Variants in IGSF5 observed in about 807,000 individuals in gnomAD.
IGSF5 encodes the protein immunoglobulin superfamily 5 like.
IGSF5 carries 41 observed loss-of-function variants against 39.4 expected under a neutral mutation model. That is an observed-to-expected ratio of 1.04 (90% CI 0.81 to 1.35). The LOEUF is 1.35. Ranked by LOEUF, IGSF5 falls within the 40% of genes most tolerant of loss-of-function variation. The pLI is 0.00. For synonymous variants in IGSF5, 183 were observed against 175.3 expected (o/e 1.04, Z -0.34); for missense variants, 487 against 494.6 (o/e 0.98, Z 0.15).
At chr21:39,729,270 C>T in the IGSF5 span, 15 of 152,288 alleles carry the variant, frequency 9.8e-5, no homozygotes, top group African/African-American at 2.6e-4. Context: ...GTGAGAAAAG[C>T]GAAAGAGAAG....
In IGSF5 at chr21:39,801,470, G is replaced by T. The variant is rs913988578; in HGVS notation, c.*113G>T. On this transcript the variant is annotated 3_prime_UTR_variant, in exon 9 of 9. Coordinates refer to ENST00000380588, the MANE Select transcript of IGSF5 (RefSeq NM_001080444.2). ...TGCAGCTTTGCCAACATTACCTGAA[G>T]AGGAGATGTCGGAGTCATCAGAACT... 2.8e-6 allele frequency: 2 copies of T among 724,728 alleles called. No homozygotes were observed. The highest frequency in any genetic ancestry group is 3.5e-5 in the African/African-American group (2 of 57,316). 44.9% of individuals were successfully genotyped at this position (724,728 alleles called of 1,614,324 possible).
intron 7 of IGSF5, among the ~76,000 whole-genome samples, chr21:39,792,375 G>A (rs886856410): frequency 2.0e-5 from 3 of 152,104 alleles, no homozygotes; most frequent in Non-Finnish European, 2.9e-5. Context: ...ACTGGGGCCT[G>A]CCATAGGGTG....
chr21:39,793,600 G>T lies in IGSF5; in HGVS notation c.1115G>T (p.Gly372Val). 6.2e-7 allele frequency: 1 copy of T among 1,613,774 alleles called. No individual in the cohort carries two copies. Among genetic ancestry groups the T allele is most frequent in the Non-Finnish European group, 8.5e-7 (1 of 1,179,774 alleles). The change falls in exon 8 of 9, where the codon GGC becomes GTC. Residue 372 changes from glycine to valine, a missense_variant. Coordinates refer to ENST00000380588, the MANE Select transcript of IGSF5 (RefSeq NM_001080444.2). The stretch of plus-strand genomic sequence containing the variant: ...CCTGAACAAAGAAACAGTAGCTGTG[G>T]CCCTCCTCACCAGGTAGTTTAGACC... ...SDPEQRNSSC[G>V]PPHQRADQRP...
intron 8 of IGSF5, among the ~76,000 whole-genome samples, chr21:39,797,197 C>A (rs1038048105): frequency 1.3e-5 from 2 of 149,420 alleles, no homozygotes; most frequent in Non-Finnish European, 3.0e-5. Flanking sequence ...TGTGCATGTG[C>A]AGATAGACAA....
chr21:39,725,956 C>T, the IGSF5 span: 2 of 152,172 alleles, frequency 1.3e-5, no homozygotes, highest in Non-Finnish European at 2.9e-5. Context: ...GCCTCAGGAA[C>T]CTGAGCTCCA....
intron 8 of IGSF5, among the ~76,000 whole-genome samples, chr21:39,793,869 C>T (rs998180134): frequency 1.3e-5 from 2 of 152,026 alleles, no homozygotes; most frequent in Non-Finnish European, 2.9e-5. Flanking sequence ...TGGGAGGATG[C>T]GACTTGATTT....
In IGSF5 at chr21:39,763,758, A is replaced by G. The variant is rs528419591; in HGVS notation, c.101-1777A>G. On this transcript the variant is annotated intron_variant, in intron 2 of 8. Transcript: ENST00000380588. Reference sequence around the variant, plus strand: ...GTGGGAGTGCAGGAGGAGTGTGGTTATTACATCACGGACCCTCGGGGCGCA... The same window carrying G: ...GTGGGAGTGCAGGAGGAGTGTGGTTGTTACATCACGGACCCTCGGGGCGCA... Among the ~76,000 whole-genome samples, 15 of 152,168 alleles carry G rather than the reference A, an allele frequency of 9.9e-5. No individual in the cohort carries two copies. The East Asian group carries it at 2.9e-3, about 29-fold the overall frequency.
upstream of IGSF5, among the ~76,000 whole-genome samples, chr21:39,741,014 A>C (rs539864388): frequency 6.6e-6 from 1 of 152,048 alleles, no homozygotes; most frequent in Non-Finnish European, 1.5e-5. Flanking sequence ...CACTACATCA[A>C]TTTCCTTACT....
chr21:39,770,175 C>T (rs928466151), intron 3 of IGSF5, among the ~76,000 whole-genome samples: 5 of 152,076 alleles, frequency 3.3e-5, no homozygotes, highest in African/African-American at 1.2e-4. Flanking sequence ...TTTACTGGGG[C>T]CAATCCTCAG....
intron 3 of IGSF5, among the ~76,000 whole-genome samples, chr21:39,767,873 T>G (rs912594373): frequency 1.3e-5 from 2 of 152,184 alleles, no homozygotes; most frequent in Non-Finnish European, 2.9e-5. Context: ...GAGATGTGCC[T>G]TCCAGGTCTG....
intron 2 of IGSF5, among the ~76,000 whole-genome samples, chr21:39,762,236 G>A (rs2080065032): frequency 6.6e-6 from 1 of 152,174 alleles, no homozygotes; most frequent in Non-Finnish European, 1.5e-5. Context: ...TCAAATATGA[G>A]TGGCCAATGG....
intron 8 of IGSF5, among the ~76,000 whole-genome samples, chr21:39,794,446 G>A (rs1289054030): frequency 6.6e-6 from 1 of 152,074 alleles, no homozygotes; most frequent in Admixed American, 6.5e-5. Context: ...TTCACAGGAT[G>A]GTTCACTTAA....
At chr21:39,727,932 C>T in the IGSF5 span, 1 of 152,208 alleles carries the variant, frequency 6.6e-6, no homozygotes, top group African/African-American at 2.4e-5. Flanking sequence ...GGATTCCTCT[C>T]ATGCCACGAA....
intron 4 of IGSF5, among the ~76,000 whole-genome samples, chr21:39,774,741 A>G (rs2146284776): frequency 1.3e-5 from 2 of 152,320 alleles, no homozygotes; most frequent in South Asian, 4.1e-4. Context: ...GGTTAAAATG[A>G]AGTAATGTTT....
intron 8 of IGSF5, 68 bp downstream of exon 8, chr21:39,793,681 G>T: frequency 7.8e-7 from 1 of 1,278,410 alleles, no homozygotes; most frequent in Non-Finnish European, 1.1e-6. Context: ...CTTGTTGTGG[G>T]TGATTATAAA....
the IGSF5 span, among the ~76,000 whole-genome samples, chr21:39,716,724 A>G: frequency 2.6e-5 from 4 of 152,208 alleles, no homozygotes; most frequent in Non-Finnish European, 4.4e-5. Flanking sequence ...TATATGTACC[A>G]CATTTTCTTT....
intron 5 of IGSF5, among the ~76,000 whole-genome samples, chr21:39,784,091 G>T (rs764862735): frequency 7.2e-5 from 11 of 152,162 alleles, no homozygotes; most frequent in Non-Finnish European, 1.5e-4. Context: ...TTCCATCTGT[G>T]ATATACCTTT....
chr21:39,789,632 G>GA (rs555176778), intron 6 of IGSF5, among the ~76,000 whole-genome samples: 9 of 151,794 alleles, frequency 5.9e-5, no homozygotes, highest in Admixed American at 1.3e-4. Flanking sequence ...GTTTATTATG[G>GA]AAAAAAATCA....
chr21:39,729,648 T>C, the IGSF5 span: 1 of 152,118 alleles, frequency 6.6e-6, no homozygotes, highest in Non-Finnish European at 1.5e-5. Context: ...AGGAGGAGCA[T>C]AGAAATCCAA....
Sources: allele counts gnomAD v4.1 joint callset (sites outside exome capture counted in the v4.1 genomes callset), GRCh38; gene constraint gnomAD v4.1.1; transcripts MANE v1.5; gene names NCBI Gene and HGNC (gene_info 2026-07-23, HGNC 2026-07-21).